Variants in RAD51B observed in about 807,000 individuals in gnomAD.
The protein encoded by RAD51B is DNA repair protein RAD51 homolog 2.
RAD51B carries 38 observed loss-of-function variants against 42.2 expected under a neutral mutation model. The ratio of observed to expected loss-of-function variants is 0.90; its 90% CI spans 0.70 to 1.18. The LOEUF (loss-of-function observed/expected upper bound fraction) is 1.18. Among genes scored for constraint, RAD51B ranks in the 50% most tolerant of loss-of-function variants. The probability of loss-of-function intolerance (pLI) is 0.00; values close to 1 mark genes in which losing one functional copy is unlikely to be tolerated. For missense variants in RAD51B, 373 were observed against 400.7 expected (o/e 0.93, Z 0.59); for synonymous variants, 154 against 145.2 (o/e 1.06, Z -0.43).
intron 7 of RAD51B, among the ~76,000 whole-genome samples, chr14:68,040,637 G>A (rs998711798): frequency 2.6e-5 from 4 of 152,164 alleles, no homozygotes; most frequent in African/African-American, 9.7e-5. Flanking sequence ...TGTGATAAGC[G>A]TTGCTCTCTC....
intron 3 of RAD51B, among the ~76,000 whole-genome samples, chr14:67,829,367 C>T (rs2040950197): frequency 6.6e-6 from 1 of 152,054 alleles, no homozygotes; most frequent in Non-Finnish European, 1.5e-5. Flanking sequence ...CTCAGCCTCC[C>T]AAGTAGCTGG....
intron 11 of RAD51B, among the ~76,000 whole-genome samples, chr14:68,674,822 G>T (rs1893270929): frequency 6.6e-6 from 1 of 152,062 alleles, no homozygotes; most frequent in African/African-American, 2.4e-5. Flanking sequence ...TCTTTCCCTT[G>T]TAAGGCATGC....
chr14:68,614,283 T>C (rs1353438129), downstream of RAD51B, among the ~76,000 whole-genome samples: 1 of 151,914 alleles, frequency 6.6e-6, no homozygotes, highest in Non-Finnish European at 1.5e-5. Flanking sequence ...CTGAGAAGAG[T>C]CTCTCATTAA....
intron 7 of RAD51B, among the ~76,000 whole-genome samples, chr14:68,280,623 TC>T (rs994769713): frequency 6.6e-6 from 1 of 152,180 alleles, no homozygotes; most frequent in Non-Finnish European, 1.5e-5. Context: ...TTTCCTCTCT[TC>T]CTCCTTCACT....
intron 4 of RAD51B, among the ~76,000 whole-genome samples, chr14:67,846,490 G>T (rs901220226): frequency 1.3e-5 from 2 of 152,160 alleles, no homozygotes; most frequent in Admixed American, 6.5e-5. Flanking sequence ...GCAGGTGGGG[G>T]CGTGGCCGAG....
intron 7 of RAD51B, among the ~76,000 whole-genome samples, chr14:68,123,009 T>G (rs1390563005): frequency 6.6e-6 from 1 of 152,014 alleles, no homozygotes; most frequent in Non-Finnish European, 1.5e-5. Context: ...GCATAGCTTA[T>G]CTTTGTTGTA....
chr14:68,645,244 T>TAGC (rs1417849317), intron 10 of RAD51B, among the ~76,000 whole-genome samples: 2 of 152,210 alleles, frequency 1.3e-5, no homozygotes, highest in Non-Finnish European at 2.9e-5. Context: ...TGGAATCATA[T>TAGC]AGCATTTGTC....
chr14:67,855,553 T>C (rs1446974335), intron 4 of RAD51B, among the ~76,000 whole-genome samples: 1 of 152,158 alleles, frequency 6.6e-6, no homozygotes, highest in Non-Finnish European at 1.5e-5. Context: ...TATAGTTCTT[T>C]TTATAATTGG....
intron 4 of RAD51B, among the ~76,000 whole-genome samples, chr14:67,840,273 T>C (rs1394649971): frequency 6.6e-6 from 1 of 152,288 alleles, no homozygotes; most frequent in Non-Finnish European, 1.5e-5. Flanking sequence ...TTAGCCTTTT[T>C]CCCTGCTCCC....
chr14:68,150,857 C>CATACATT (rs2078363421), intron 7 of RAD51B, among the ~76,000 whole-genome samples: 1 of 152,082 alleles, frequency 6.6e-6, no homozygotes, highest in African/African-American at 2.4e-5. Flanking sequence ...TTACGATAGT[C>CATACATT]TTAAAGTAGT....
chr14:68,072,079 A>ATATATATAATTATATATAAT (rs1566622975), intron 7 of RAD51B, among the ~76,000 whole-genome samples: 2 of 108,000 alleles, frequency 1.9e-5, no homozygotes, highest in African/African-American at 8.5e-5. Context: ...AAATATATAA[A>ATATATATAATTATATATAAT]TATATATAAA....
intron 9 of RAD51B, among the ~76,000 whole-genome samples, chr14:68,456,869 A>ATTTTTTTT (rs71129889): frequency 1.5e-5 from 1 of 66,460 alleles, no homozygotes; most frequent in African/African-American, 5.1e-5. Flanking sequence ...CAATGGAATG[A>ATTTTTTTT]TTTTTTTTTT....
At chr14:67,889,053 C>T (rs2043144515) in intron 7 of RAD51B, among the ~76,000 whole-genome samples, 1 of 152,086 alleles carries the variant, frequency 6.6e-6, no homozygotes, top group Admixed American at 6.6e-5. Flanking sequence ...GAAAGGGGCA[C>T]TGCTTTTCTT....
At chr14:68,487,299 C>G (rs1248398137) in intron 10 of RAD51B, among the ~76,000 whole-genome samples, 1 of 152,078 alleles carries the variant, frequency 6.6e-6, no homozygotes, top group East Asian at 1.9e-4. Flanking sequence ...TGTGTGAGCT[C>G]TTAGTGTCTC....
At chr14:68,648,917 G>A (rs1311221522) in intron 10 of RAD51B, among the ~76,000 whole-genome samples, 1 of 151,990 alleles carries the variant, frequency 6.6e-6, no homozygotes, top group African/African-American at 2.4e-5. Flanking sequence ...AGTCAGCAGG[G>A]CAACTCTGTT....
chr14:68,177,577 T>C (rs1441253457), intron 7 of RAD51B, among the ~76,000 whole-genome samples: 1 of 151,958 alleles, frequency 6.6e-6, no homozygotes, highest in Admixed American at 6.6e-5. Context: ...AGAAAATATA[T>C]AAAAGCAACT....
chr14:68,074,144 C>T (rs993613487), intron 7 of RAD51B, among the ~76,000 whole-genome samples: 1 of 152,170 alleles, frequency 6.6e-6, no homozygotes, highest in Non-Finnish European at 1.5e-5. Context: ...CTCTCTCTTT[C>T]TCTCTTTCAG....
chr14:68,405,459 A>C (rs1045580654), intron 8 of RAD51B, among the ~76,000 whole-genome samples: 28 of 152,052 alleles, frequency 1.8e-4, no homozygotes, highest in African/African-American at 6.8e-4. Context: ...AAAATTTAAA[A>C]ATTGCCTTTC....
intron 7 of RAD51B, among the ~76,000 whole-genome samples, chr14:67,915,282 AG>A (rs754418477): frequency 2.0e-5 from 3 of 152,160 alleles, no homozygotes; most frequent in Non-Finnish European, 4.4e-5. Flanking sequence ...TATCAGAAGA[AG>A]GGGGGGATTA....
Sources: gnomAD v4.1 joint callset for allele counts (sites outside exome capture counted in the v4.1 genomes callset) on GRCh38, gnomAD v4.1.1 for gene constraint, MANE v1.5 for transcripts, NCBI Gene and HGNC (gene_info 2026-07-23, HGNC 2026-07-21) for gene names.